FAM120A: variants seen among roughly 807,000 people sequenced by gnomAD.
FAM120A encodes constitutive coactivator of PPAR-gamma-like protein 1.
Under a neutral mutation model 109.7 loss-of-function variants are expected in FAM120A, and 15 were observed. The ratio of observed to expected loss-of-function variants is 0.14; its 90% CI spans 0.09 to 0.21. The LOEUF (loss-of-function observed/expected upper bound fraction) is 0.21, where lower values mean the gene tolerates loss of function less well. Ranked by LOEUF, FAM120A falls within the 10% of genes least tolerant of loss-of-function variation. The probability of loss-of-function intolerance (pLI) is 1.00; values close to 1 mark genes in which losing one functional copy is unlikely to be tolerated. For missense variants in FAM120A, 899 were observed against 1,439.3 expected, an observed-to-expected ratio of 0.62 and a Z score of 6.07; for synonymous variants, 493 against 572.8, an observed-to-expected ratio of 0.86 and a Z score of 1.99.
intron 9 of FAM120A, chr9:93,531,115 A>G (rs1279019331): frequency 6.6e-6 from 1 of 152,242 alleles, no homozygotes; most frequent in African/African-American, 2.4e-5. Context: ...AGACATTTAC[A>G]GTGAGATGCA....
At chr9:93,494,830 G>GCC (rs757505158) in intron 3 of FAM120A, among the ~76,000 whole-genome samples, 27 of 152,140 alleles carry the variant, frequency 1.8e-4, no homozygotes, top group Non-Finnish European at 2.4e-4. Flanking sequence ...AGTGATCGAG[G>GCC]ACTGGCCTCT....
At chr9:93,467,249 C>CT (rs1289136610) in intron 1 of FAM120A, among the ~76,000 whole-genome samples, 1 of 31,774 alleles carries the variant, frequency 3.1e-5, no homozygotes, top group African/African-American at 5.1e-5. Flanking sequence ...TGCTGTCACC[C>CT]CCCCCCCCCT....
chr9:93,511,322 C>T (rs1316268392), intron 5 of FAM120A, among the ~76,000 whole-genome samples: 2 of 152,208 alleles, frequency 1.3e-5, no homozygotes, highest in African/African-American at 4.8e-5. Flanking sequence ...TGGCCAACAC[C>T]GCAGGCTTTG....
intron 5 of FAM120A, among the ~76,000 whole-genome samples, chr9:93,506,002 G>A (rs1440491403): frequency 6.6e-6 from 1 of 152,142 alleles, no homozygotes; most frequent in African/African-American, 2.4e-5. Flanking sequence ...GAGTGTCTCC[G>A]TGTGTGGGTC....
chr9:93,512,277 A>G (rs1418961818), intron 5 of FAM120A, among the ~76,000 whole-genome samples: 2 of 152,166 alleles, frequency 1.3e-5, no homozygotes, highest in East Asian at 1.9e-4. Context: ...CCATTTCTTT[A>G]AAGAATTTTA....
At chr9:93,512,548 A>G (rs7860765) in intron 5 of FAM120A, among the ~76,000 whole-genome samples, 42,188 of 132,272 alleles carry the variant, frequency 0.32, 6,933 homozygotes, top group East Asian at 0.48. Flanking sequence ...TTTTTTTTTT[A>G]CCGAAAGCCC....
At chr9:93,485,980 TA>T (rs1223123129) in intron 3 of FAM120A, among the ~76,000 whole-genome samples, 2 of 151,910 alleles carry the variant, frequency 1.3e-5, no homozygotes, top group African/African-American at 2.4e-5. Flanking sequence ...ATTCCTTTTT[TA>T]AAAAAAAGAA....
intron 1 of FAM120A, among the ~76,000 whole-genome samples, chr9:93,457,953 G>A (rs563099852): frequency 9.2e-5 from 14 of 151,958 alleles, no homozygotes; most frequent in African/African-American, 3.4e-4. Flanking sequence ...AATCCTCTTG[G>A]CCACTTCCAT....
chr9:93,484,753 T>G (rs964129231), intron 3 of FAM120A, among the ~76,000 whole-genome samples: 4 of 152,120 alleles, frequency 2.6e-5, no homozygotes, highest in African/African-American at 9.7e-5. Flanking sequence ...TTTGTATTTT[T>G]AGTGGAGATG....
At chr9:93,526,651 C>G (rs996632853) in intron 7 of FAM120A, among the ~76,000 whole-genome samples, 2 of 152,164 alleles carry the variant, frequency 1.3e-5, no homozygotes, top group African/African-American at 4.8e-5. Flanking sequence ...TTTTCCAGTT[C>G]GAGTCACCTC....
intron 3 of FAM120A, among the ~76,000 whole-genome samples, chr9:93,493,111 G>A (rs573210730): frequency 1.3e-5 from 2 of 152,338 alleles, no homozygotes; most frequent in East Asian, 1.9e-4. Context: ...GGCTCTCCGG[G>A]TGCTACTGCC....
chr9:93,481,246 G>T (rs1221686921), intron 3 of FAM120A, among the ~76,000 whole-genome samples: 1 of 152,240 alleles, frequency 6.6e-6, no homozygotes, highest in Non-Finnish European at 1.5e-5. Context: ...GACTTTTGGG[G>T]TTTTAAAAAT....
chr9:93,556,598 T>C lies in FAM120A; in HGVS notation c.2484+7T>C. 3.1e-6 allele frequency: 5 copies of C among 1,613,844 alleles called. No individual in the cohort carries two copies. Among genetic ancestry groups the C allele is most frequent in the East Asian group, 4.5e-5 (2 of 44,874 alleles). On this transcript the variant is annotated splice_region_variant and intron_variant, in intron 13 of 17. Transcript: ENST00000277165. Reference sequence around the variant, plus strand: ...TGACCTCTGTGATGGTCAGGTATGCTGCGGGGCCGGGTGGCTGCCTTTAAC... The same window carrying C: ...TGACCTCTGTGATGGTCAGGTATGCCGCGGGGCCGGGTGGCTGCCTTTAAC...
chr9:93,505,732 T>C (rs760880655), intron 5 of FAM120A, among the ~76,000 whole-genome samples: 17 of 152,200 alleles, frequency 1.1e-4, no homozygotes, highest in Non-Finnish European at 2.4e-4. Context: ...TATTGTACAG[T>C]TCCCTTTTTT....
chr9:93,557,078 G>A (rs994787677), intron 13 of FAM120A, among the ~76,000 whole-genome samples: 1 of 151,120 alleles, frequency 6.6e-6, no homozygotes, highest in African/African-American at 2.4e-5. Flanking sequence ...ACACCAGACA[G>A]CACTTCAGCA....
At chr9:93,549,777 A>G (rs2131541457) in intron 11 of FAM120A, among the ~76,000 whole-genome samples, 1 of 152,346 alleles carries the variant, frequency 6.6e-6, no homozygotes, top group East Asian at 1.9e-4. Flanking sequence ...AGTTTATGGA[A>G]TGCAAAGAAC....
chr9:93,545,942 G>T (rs145043278), intron 11 of FAM120A, among the ~76,000 whole-genome samples: 5 of 151,362 alleles, frequency 3.3e-5, no homozygotes, highest in Admixed American at 1.3e-4. Context: ...GCGCCACCAC[G>T]CCCGGCTAAT....
At chr9:93,502,793 A>C (rs796901988) in intron 5 of FAM120A, among the ~76,000 whole-genome samples, 1 of 152,222 alleles carries the variant, frequency 6.6e-6, no homozygotes, top group Admixed American at 6.5e-5. Context: ...TCTCCACGAA[A>C]TCACCAATCT....
intron 8 of FAM120A, among the ~76,000 whole-genome samples, chr9:93,527,696 C>T (rs1861149892): frequency 7.5e-6 from 1 of 132,996 alleles, no homozygotes; most frequent in Non-Finnish European, 1.5e-5. Context: ...GATCTCAGCT[C>T]ACTGAAACCT....
Sources: gnomAD v4.1 joint callset for allele counts (sites outside exome capture counted in the v4.1 genomes callset) on GRCh38, gnomAD v4.1.1 for gene constraint, MANE v1.5 for transcripts, NCBI Gene and HGNC (gene_info 2026-07-23, HGNC 2026-07-21) for gene names.